Variants in CEMIP2 observed in about 807,000 individuals in gnomAD.
The protein encoded by CEMIP2 is cell migration inducing hyaluronidase 2.
CEMIP2 carries 79 observed loss-of-function variants against 146.9 expected under a neutral mutation model. The ratio of observed to expected loss-of-function variants is 0.54; its 90% confidence interval spans 0.45 to 0.65. The LOEUF is 0.65. Ranked by LOEUF, CEMIP2 falls within the 30% of genes least tolerant of loss-of-function variation. The pLI is 0.00. For synonymous variants in CEMIP2, 601 were observed against 606.3 expected (o/e 0.99, Z 0.13); for missense variants, 1,596 against 1,696.2 (o/e 0.94, Z 1.04).
At chr9:71,737,415 A>G (rs1823795205) in intron 5 of CEMIP2, among the ~76,000 whole-genome samples, 1 of 152,138 alleles carries the variant, frequency 6.6e-6, no homozygotes, top group Non-Finnish European at 1.5e-5. Flanking sequence ...CTCAAAAAAA[A>G]AAAAAGAAAG....
chr9:71,712,078 C>G lies in CEMIP2; in HGVS notation c.2769+5G>C, dbSNP rs768210601. ...CACTACGTAAGAACTACAGAACATA[C>G]TTACATGTGGACCAAACTTCACGAG... On this transcript the variant is annotated splice_donor_5th_base_variant and intron_variant, in intron 16 of 23. Transcript: ENST00000377044. 2 of 1,613,562 alleles carry G rather than the reference C, an allele frequency of 1.2e-6. No individual in the cohort carries two copies. Among genetic ancestry groups the G allele is most frequent in the Admixed American group, 1.7e-5 (1 of 59,944 alleles).
intron 19 of CEMIP2, among the ~76,000 whole-genome samples, chr9:71,698,428 T>G (rs1822463109): frequency 6.6e-6 from 1 of 152,208 alleles, no homozygotes; most frequent in Admixed American, 6.5e-5. Context: ...CTGCTTCCAT[T>G]GTTGTGGAAC....
At chr9:71,699,461 AAAAAG>A in intron 19 of CEMIP2, 2 of 421,984 alleles carry the variant, frequency 4.7e-6, no homozygotes, top group Non-Finnish European at 4.6e-6. Context: ...TTAAAAAAAA[AAAAAG>A]AAAGAAAGAA....
At position 71,741,677 on chromosome 9, in the gene CEMIP2, C is replaced by T. The variant is rs1215066579; in HGVS notation, c.1035-1445G>A. On this transcript the variant is annotated intron_variant, in intron 4 of 23. Transcript: ENST00000377044. ...TTTTGAGACAGAGTCTCACTCTTGT[C>T]GCCTAGGCTAGAGTGCAATGGCGTG... Among the ~76,000 whole-genome samples the T allele has an allele frequency of 6.6e-5, 7 of 105,386 alleles. No individual in the cohort carries two copies. In the East Asian group the frequency reaches 1.3e-3, roughly 20 times the overall value. 69.1% of individuals were successfully genotyped at this position (105,386 alleles called of 152,430 possible).
chr9:71,684,993 AAAC>A lies in CEMIP2; in HGVS notation c.*201_*203del, dbSNP rs1329585802. 6 of 499,416 alleles carry A rather than the reference AAAC, an allele frequency of 1.2e-5. No individual in the cohort carries two copies. The highest frequency in any genetic ancestry group is 1.4e-5 in the Non-Finnish European group (4 of 287,058). The allele number at this position is 499,416 out of a possible 1,614,324, so 30.9% of individuals were successfully genotyped here. On this transcript the variant is annotated 3_prime_UTR_variant, in exon 24 of 24. Coordinates refer to ENST00000377044, the MANE Select transcript of CEMIP2 (RefSeq NM_013390.3). ...CTGAATACACCAGCCTTACAAATAC[AAAC>A]AACGTCTTTAACATTTTGTACAACT... is the stretch of plus-strand genomic sequence containing the variant.
chr9:71,739,209 G>A (rs567808533), intron 5 of CEMIP2, among the ~76,000 whole-genome samples: 25 of 151,306 alleles, frequency 1.7e-4, no homozygotes, highest in Admixed American at 9.2e-4. Context: ...CAAAGGAAAC[G>A]TTGACTAGAA....
intron 18 of CEMIP2, among the ~76,000 whole-genome samples, chr9:71,703,322 G>A (rs944052610): frequency 2.0e-5 from 3 of 152,206 alleles, no homozygotes; most frequent in Non-Finnish European, 4.4e-5. Flanking sequence ...GGTTGACTGT[G>A]TGGGTGGGGC....
rs757377751 is a variant in CEMIP2, at chr9:71,745,329, C to T, written c.723G>A (p.Thr241=). The change falls in exon 4 of 24, where the codon ACG becomes ACA. Residue 241 remains threonine (T), a synonymous_variant. Coordinates refer to ENST00000377044, the MANE Select transcript of CEMIP2 (RefSeq NM_013390.3). ...AGGAATTCAGGGTCCTTGCCAACAA[C>T]GTCCACGATGCCTTCCGTGCCCCAT... The part of the protein sequence containing the change: ...ELHGARKASW[T]LLARTLNSSG... 5.6e-6 allele frequency: 9 copies of T among 1,613,384 alleles called. No individual in the cohort carries two copies. Among genetic ancestry groups the T allele is most frequent in the Non-Finnish European group, 7.6e-6 (9 of 1,179,446 alleles).
chr9:71,700,533 A>G, intron 19 of CEMIP2, 109 bp downstream of exon 19: 1 of 1,126,018 alleles, frequency 8.9e-7, no homozygotes, highest in South Asian at 1.6e-5. Flanking sequence ...TGTGCAGAGA[A>G]TTACCCACAT....
chr9:71,718,876 C>T (rs61450937), intron 12 of CEMIP2, among the ~76,000 whole-genome samples: 8,668 of 152,234 alleles, frequency 0.057, 269 homozygotes, highest in South Asian at 0.069. Flanking sequence ...CGCACCCAGC[C>T]AGACTGTATT....
At chr9:71,699,288 G>A (rs1482176330) in intron 19 of CEMIP2, 7 of 298,298 alleles carry the variant, frequency 2.3e-5, no homozygotes, top group East Asian at 8.1e-5. Context: ...AGTTGTTTAA[G>A]TCTAAACAAA....
chr9:71,735,859 G>A (rs1196219111), intron 5 of CEMIP2, among the ~76,000 whole-genome samples: 5 of 152,152 alleles, frequency 3.3e-5, no homozygotes, highest in African/African-American at 7.2e-5. Context: ...TTGGGAGGCC[G>A]ATGCCAGAGG....
chr9:71,755,560 A>T (rs76417762), intron 1 of CEMIP2, among the ~76,000 whole-genome samples: 9,757 of 152,126 alleles, frequency 0.064, 484 homozygotes, highest in South Asian at 0.19. Flanking sequence ...AATAAAAAAT[A>T]AAATTAAATA....
At chr9:71,755,525 G>C (rs1044287619) in intron 1 of CEMIP2, among the ~76,000 whole-genome samples, 1 of 151,810 alleles carries the variant, frequency 6.6e-6, no homozygotes, top group Non-Finnish European at 1.5e-5. Context: ...CCCAGCTTGG[G>C]TGACAGAGTA....
Position 71,698,192 on chromosome 9 carries a change from C to G in CEMIP2, c.3390G>C (p.Leu1130Phe), listed in dbSNP as rs1454174195. 6.2e-7 allele frequency: 1 copy of G among 1,613,906 alleles called. No homozygotes were observed. Among genetic ancestry groups the G allele is most frequent in the Non-Finnish European group, 8.5e-7 (1 of 1,179,964 alleles). ...GCCTGTGGCTTTTGGCTTTGAGATACAAAAACAGTAACCTGCACAAAACAG... is the reference window on the plus strand; with the variant it reads ...GCCTGTGGCTTTTGGCTTTGAGATAGAAAAACAGTAACCTGCACAAAACAG... Reference protein sequence around the residue: ...YFDSSTGLLFLYLKAKSHRHG... With the variant: ...YFDSSTGLLFFYLKAKSHRHG... The change falls in exon 20 of 24, where the codon TTG becomes TTC. Residue 1130 changes from leucine to phenylalanine, a missense_variant. Leu to Phe is a conservative substitution (Grantham distance 22). Transcript: ENST00000377044.
At chr9:71,716,697 T>C (rs1823066955) in intron 13 of CEMIP2, 145 bp from the exon 14 acceptor site, 1 of 557,092 alleles carries the variant, frequency 1.8e-6, no homozygotes, top group Admixed American at 3.8e-5. Flanking sequence ...GATTTCACAA[T>C]AACTAGGAGC....
chr9:71,707,881 T>A (rs1280630802), intron 17 of CEMIP2, among the ~76,000 whole-genome samples: 2 of 152,184 alleles, frequency 1.3e-5, no homozygotes, highest in African/African-American at 4.8e-5. Flanking sequence ...CTTTATCTCC[T>A]CTGACAGTCT....
intron 1 of CEMIP2, among the ~76,000 whole-genome samples, chr9:71,750,773 G>T (rs1824229341): frequency 6.6e-6 from 1 of 150,890 alleles, no homozygotes; most frequent in South Asian, 2.1e-4. Flanking sequence ...TAGAGACAGG[G>T]TCTCACTCTG....
chr9:71,701,270 T>TC (rs1156542848), intron 18 of CEMIP2, among the ~76,000 whole-genome samples: 1 of 152,094 alleles, frequency 6.6e-6, no homozygotes. Context: ...CATGCACGGC[T>TC]AATTTTTGTA....
Sources: allele counts gnomAD v4.1 joint callset (sites outside exome capture counted in the v4.1 genomes callset), GRCh38; gene constraint gnomAD v4.1.1; transcripts MANE v1.5; gene names NCBI Gene and HGNC (gene_info 2026-07-23, HGNC 2026-07-21).